OSBPL10: variants seen among roughly 807,000 people sequenced by gnomAD.
OSBPL10 encodes oxysterol binding protein like 10, also known as oxysterol-binding protein-related protein 10.
Under a neutral mutation model 81.7 loss-of-function variants are expected in OSBPL10, and 49 were observed. The observed-to-expected ratio is 0.60, with a 90% CI of 0.48 to 0.76. The LOEUF (loss-of-function observed/expected upper bound fraction) is 0.76, where lower values mean the gene tolerates loss of function less well. OSBPL10 is among the 30% of genes least tolerant of loss of function. The probability of loss-of-function intolerance (pLI) is 0.00; values close to 1 mark genes in which losing one functional copy is unlikely to be tolerated. For synonymous variants in OSBPL10, 419 were observed against 383.6 expected, an observed-to-expected ratio of 1.09 and a Z score of -1.08; for missense variants, 923 against 987.8, an observed-to-expected ratio of 0.93 and a Z score of 0.88.
intron 2 of OSBPL10, among the ~76,000 whole-genome samples, chr3:32,031,390 T>A (rs2051585164): frequency 6.6e-6 from 1 of 152,170 alleles, no homozygotes; most frequent in Non-Finnish European, 1.5e-5. Flanking sequence ...GTGATTTGAA[T>A]CAGCAGCCTA....
At chr3:31,689,898 A>G (rs184883213) in intron 7 of OSBPL10, among the ~76,000 whole-genome samples, 39 of 152,302 alleles carry the variant, frequency 2.6e-4, no homozygotes, top group Non-Finnish European at 3.8e-4. Context: ...AATGTGTTAC[A>G]CACACATATA....
chr3:31,856,314 A>T (rs1358236345), intron 3 of OSBPL10, among the ~76,000 whole-genome samples: 1 of 152,158 alleles, frequency 6.6e-6, no homozygotes, highest in African/African-American at 2.4e-5. Flanking sequence ...ATTGTGTTTT[A>T]TTTACTTAAT....
chr3:31,879,231 G>C (rs1003854937), intron 2 of OSBPL10, among the ~76,000 whole-genome samples: 2 of 152,070 alleles, frequency 1.3e-5, no homozygotes, highest in Non-Finnish European at 2.9e-5. Context: ...AACTCAAAGG[G>C]GCACTTTACT....
intron 2 of OSBPL10, among the ~76,000 whole-genome samples, chr3:32,013,851 T>C (rs1699284776): frequency 6.6e-6 from 1 of 152,068 alleles, no homozygotes; most frequent in Non-Finnish European, 1.5e-5. Context: ...CTAGAAGAAA[T>C]GGATAAATTC....
chr3:32,073,742 C>G (rs1022949572), intron 1 of OSBPL10, among the ~76,000 whole-genome samples: 2 of 152,148 alleles, frequency 1.3e-5, no homozygotes, highest in African/African-American at 4.8e-5. Flanking sequence ...CTCAACTACT[C>G]ATAAATGACC....
At chr3:31,909,492 G>T (rs1007443982) in intron 1 of OSBPL10, among the ~76,000 whole-genome samples, 1 of 149,320 alleles carries the variant, frequency 6.7e-6, no homozygotes. Context: ...ATTGCTGGTA[G>T]GGCTCAACGT....
At chr3:31,839,606 C>T (rs79155215) in intron 3 of OSBPL10, among the ~76,000 whole-genome samples, 397 of 152,096 alleles carry the variant, frequency 2.6e-3, no homozygotes, top group African/African-American at 9.1e-3. Context: ...AAGATGTCAA[C>T]GAAGTAAAGG....
intron 4 of OSBPL10, among the ~76,000 whole-genome samples, chr3:31,805,656 G>C (rs1699504207): frequency 6.6e-6 from 1 of 152,140 alleles, no homozygotes; most frequent in Admixed American, 6.5e-5. Context: ...CCTTAAAATA[G>C]CAAATAAAGA....
At chr3:32,068,033 C>T (rs1011318211) in intron 1 of OSBPL10, among the ~76,000 whole-genome samples, 2 of 152,198 alleles carry the variant, frequency 1.3e-5, no homozygotes, top group South Asian at 4.1e-4. Flanking sequence ...GGTCCTCAGA[C>T]CAACCAGCCC....
chr3:31,726,861 T>C (rs188819944), intron 6 of OSBPL10, among the ~76,000 whole-genome samples: 139 of 147,822 alleles, frequency 9.4e-4, no homozygotes, highest in African/African-American at 3.5e-3. Context: ...TATTATTTGC[T>C]GAGACTGGAT....
intron 7 of OSBPL10, chr3:31,701,795 C>T (rs1192215728): frequency 6.5e-6 from 1 of 153,146 alleles, no homozygotes; most frequent in Non-Finnish European, 1.5e-5. Context: ...AAGCATCCTG[C>T]CTGCACTCAG....
intron 2 of OSBPL10, among the ~76,000 whole-genome samples, chr3:32,035,754 T>A (rs921457731): frequency 4.6e-5 from 7 of 151,996 alleles, no homozygotes; most frequent in African/African-American, 1.7e-4. Context: ...AAGCAAAAAA[T>A]TAGACGCAAA....
intron 2 of OSBPL10, among the ~76,000 whole-genome samples, chr3:32,043,008 G>C (rs188890195): frequency 3.3e-5 from 5 of 152,108 alleles, no homozygotes; most frequent in African/African-American, 1.2e-4. Context: ...AACAGGGTTC[G>C]AGAGCAGAGA....
At chr3:31,806,023 T>C (rs1408957273) in intron 4 of OSBPL10, among the ~76,000 whole-genome samples, 5 of 152,210 alleles carry the variant, frequency 3.3e-5, no homozygotes, top group Non-Finnish European at 5.9e-5. Flanking sequence ...GCACTCTTCA[T>C]AGGTATCTTG....
chr3:31,980,669 C>T (rs1431409938), intron 1 of OSBPL10, among the ~76,000 whole-genome samples: 1 of 152,210 alleles, frequency 6.6e-6, no homozygotes, highest in Non-Finnish European at 1.5e-5. Flanking sequence ...CGCCTCCCTC[C>T]CCGCCACTGC....
intron 3 of OSBPL10, among the ~76,000 whole-genome samples, chr3:31,860,267 C>T (rs915371356): frequency 6.6e-6 from 1 of 152,168 alleles, no homozygotes; most frequent in African/African-American, 2.4e-5. Context: ...CTATGATGGG[C>T]CAACTCTCTA....
chr3:31,755,027 A>T (rs902279568), intron 4 of OSBPL10, among the ~76,000 whole-genome samples: 4 of 152,190 alleles, frequency 2.6e-5, no homozygotes, highest in Middle Eastern at 3.4e-3. Flanking sequence ...TGACAATCTC[A>T]TTTCAGAGCC....
chr3:32,045,375 TATG>T (rs2125561428), intron 2 of OSBPL10, among the ~76,000 whole-genome samples: 1 of 152,296 alleles, frequency 6.6e-6, no homozygotes, highest in Non-Finnish European at 1.5e-5. Context: ...TTACGGTGAT[TATG>T]ATAAGACTAA....
intron 6 of OSBPL10, among the ~76,000 whole-genome samples, chr3:31,708,236 C>A (rs1022538375): frequency 1.3e-5 from 2 of 152,192 alleles, no homozygotes; most frequent in Non-Finnish European, 2.9e-5. Flanking sequence ...CTGCACCCGA[C>A]CTTCAGTTCT....
Sources: gnomAD v4.1 joint callset for allele counts (sites outside exome capture counted in the v4.1 genomes callset) on GRCh38, gnomAD v4.1.1 for gene constraint, MANE v1.5 for transcripts, NCBI Gene and HGNC (gene_info 2026-07-23, HGNC 2026-07-21) for gene names.